The following GOLM2 variants were observed in gnomAD, a reference collection of about 807,000 sequenced individuals.
The protein encoded by GOLM2 is protein GOLM2.
Under a neutral mutation model 55.9 loss-of-function variants are expected in GOLM2, and 26 were observed. The observed-to-expected ratio is 0.47, with a 90% CI of 0.34 to 0.65. The LOEUF (loss-of-function observed/expected upper bound fraction) is 0.65. Ranked by LOEUF, GOLM2 falls within the 30% of genes least tolerant of loss-of-function variation. GOLM2 has a pLI of 0.01. For missense variants in GOLM2, 486 were observed against 531.8 expected (o/e 0.91, Z 0.85); for synonymous variants, 165 against 194.6 (o/e 0.85, Z 1.27).
chr15:44,298,457 G>A (rs2078773861), intron 1 of GOLM2, among the ~76,000 whole-genome samples: 1 of 134,854 alleles, frequency 7.4e-6, no homozygotes, highest in Admixed American at 7.5e-5. Flanking sequence ...TGTATTTTTA[G>A]TAAAGATGGG....
At chr15:44,383,533 C>T (rs1264488092) in intron 8 of GOLM2, among the ~76,000 whole-genome samples, 1 of 151,816 alleles carries the variant, frequency 6.6e-6, no homozygotes, top group South Asian at 2.1e-4. Flanking sequence ...ATCATTTATT[C>T]TGGTGGCCTA....
chr15:44,300,872 T>A (rs1163824554), intron 1 of GOLM2, among the ~76,000 whole-genome samples: 1 of 152,160 alleles, frequency 6.6e-6, no homozygotes. Flanking sequence ...TTAATTAACT[T>A]TATCTAATTT....
chr15:44,378,020 TA>T (rs1346229185), intron 6 of GOLM2, among the ~76,000 whole-genome samples: 1 of 149,464 alleles, frequency 6.7e-6, no homozygotes, highest in Admixed American at 6.7e-5. Context: ...AGTATATATA[TA>T]TATTTTTTAA....
intron 6 of GOLM2, among the ~76,000 whole-genome samples, chr15:44,344,719 G>A (rs2079111879): frequency 6.6e-6 from 1 of 151,900 alleles, no homozygotes; most frequent in South Asian, 2.1e-4. Flanking sequence ...CCTTCTAGAG[G>A]GGCTGCGATT....
intron 1 of GOLM2, among the ~76,000 whole-genome samples, chr15:44,296,297 A>G (rs1471553171): frequency 6.6e-6 from 1 of 152,194 alleles, no homozygotes; most frequent in Non-Finnish European, 1.5e-5. Context: ...CTCTTGATAA[A>G]TAAAAGGAGC....
intron 6 of GOLM2, among the ~76,000 whole-genome samples, chr15:44,352,563 C>T (rs190990758): frequency 1.2e-4 from 18 of 152,074 alleles, no homozygotes; most frequent in Middle Eastern, 3.4e-3. Context: ...AAAAGATGGA[C>T]GGATGGGATG....
At position 44,289,209 on chromosome 15, in the gene GOLM2, C is replaced by G. The variant is rs554130976; in HGVS notation, c.180C>G (p.Arg60=). Residue 60 remains arginine (R), a synonymous_variant, in exon 1 of 10, where the codon CGC becomes CGG. Coordinates refer to ENST00000299957, the MANE Select transcript of GOLM2 (RefSeq NM_138423.4). The surrounding 1 kb of genome is among the most constrained non-coding windows in gnomAD (Gnocchi z 4.8). ...AGGTCCAGCGCACCGAAGTGGCCCG[C>G]GGGCGGCTGGAAAAGCGCAATTCGG... ...QGQVQRTEVA[R]GRLEKRNSDL... is the part of the protein sequence containing the mutation. 6.2e-7 allele frequency: 1 copy of G among 1,614,012 alleles called. No homozygotes were observed. The highest frequency in any genetic ancestry group is 8.5e-7 in the Non-Finnish European group (1 of 1,180,024).
chr15:44,343,445 AAATTCTTAATGTCAATGT>A (rs1254698981), intron 6 of GOLM2, among the ~76,000 whole-genome samples: 4 of 152,094 alleles, frequency 2.6e-5, no homozygotes, highest in Admixed American at 1.3e-4. Context: ...GAGTATGCCA[AAATTCTTAATGTCAATGT>A]AAGTTCTGGT....
At chr15:44,389,744 C>T (rs1024053428) in intron 8 of GOLM2, among the ~76,000 whole-genome samples, 2 of 152,176 alleles carry the variant, frequency 1.3e-5, no homozygotes, top group African/African-American at 4.8e-5. Flanking sequence ...TGCATTAGCA[C>T]GTTCATAGCT....
Position 44,351,576 on chromosome 15 carries a change from C to T in GOLM2, c.802+13259C>T, listed in dbSNP as rs1469734060. Among the ~76,000 whole-genome samples, 7 of 45,904 alleles carry T rather than the reference C, an allele frequency of 1.5e-4. No homozygotes were observed. The East Asian group carries it at 4.6e-3, about 30-fold the overall frequency. The allele number at this position is 45,904 out of a possible 152,430, so 30.1% of individuals were successfully genotyped here. On this transcript the variant is annotated intron_variant, in intron 6 of 9. Coordinates refer to ENST00000299957, the MANE Select transcript of GOLM2 (RefSeq NM_138423.4). Reference sequence around the variant, plus strand: ...TGGGCAACAAAGCAAGACTCTGTCTCAAAAAAAAAAAAAAAAAAAAAACAC... The same window carrying T: ...TGGGCAACAAAGCAAGACTCTGTCTTAAAAAAAAAAAAAAAAAAAAAACAC...
intron 1 of GOLM2, among the ~76,000 whole-genome samples, chr15:44,320,731 AC>A (rs1481238088): frequency 1.3e-5 from 2 of 152,180 alleles, no homozygotes; most frequent in African/African-American, 4.8e-5. Context: ...TTATGGACAA[AC>A]TTTTATTTTA....
chr15:44,342,360 G>T (rs998326465), intron 6 of GOLM2, among the ~76,000 whole-genome samples: 2 of 151,974 alleles, frequency 1.3e-5, no homozygotes, highest in African/African-American at 4.8e-5. Context: ...GACCTCCTGG[G>T]CTCAAGTGGT....
At position 44,383,626 on chromosome 15, in the gene GOLM2, G is replaced by A. The variant is rs543483052; in HGVS notation, c.1072+2650G>A. ...TTTGACCACTTAGCCTGAAAACTTT[G>A]TAGATTTGTTCTATTTATTTGTATC... On this transcript the variant is annotated intron_variant, in intron 8 of 9. Coordinates refer to ENST00000299957, the MANE Select transcript of GOLM2 (RefSeq NM_138423.4). Among the ~76,000 whole-genome samples the A allele has an allele frequency of 2.1e-5, 3 of 144,786 alleles. No individual in the cohort carries two copies. The East Asian group carries it at 6.0e-4, about 29-fold the overall frequency. 95.0% of individuals were successfully genotyped at this position (144,786 alleles called of 152,430 possible).
In GOLM2 at chr15:44,414,512, A is replaced by G. The variant is rs1187701790; in HGVS notation, c.*1106A>G. 1 of 152,336 alleles carries G rather than the reference A, an allele frequency of 6.6e-6. No homozygotes were observed. The highest frequency in any genetic ancestry group is 1.9e-4 in the East Asian group (1 of 5,192). The allele number at this position is 152,336 out of a possible 1,614,324, so 9.4% of individuals were successfully genotyped here. ...AACTGGCTAAAATTTTTATATTTTC[A>G]GAGTTGAAGTTGGTGAAGACATTCA... On this transcript the variant is annotated 3_prime_UTR_variant, in exon 10 of 10. Transcript: ENST00000299957.
At chr15:44,323,948 C>T (rs991876823) in intron 2 of GOLM2, among the ~76,000 whole-genome samples, 1 of 152,114 alleles carries the variant, frequency 6.6e-6, no homozygotes, top group Non-Finnish European at 1.5e-5. Flanking sequence ...TTCCTATTAT[C>T]CATGATTTAG....
chr15:44,345,456 A>G (rs1381120890), intron 6 of GOLM2, among the ~76,000 whole-genome samples: 1 of 151,602 alleles, frequency 6.6e-6, no homozygotes, highest in East Asian at 2.0e-4. Flanking sequence ...ACGGGGTTTC[A>G]ACTGTATTGC....
chr15:44,383,701 C>T (rs1456551005), intron 8 of GOLM2, among the ~76,000 whole-genome samples: 3 of 130,790 alleles, frequency 2.3e-5, no homozygotes, highest in South Asian at 2.4e-4. Context: ...TTTGAGACAA[C>T]GTCTCACTCT....
chr15:44,298,817 C>T (rs1595612914), intron 1 of GOLM2, among the ~76,000 whole-genome samples: 3 of 152,136 alleles, frequency 2.0e-5, no homozygotes, highest in Admixed American at 6.5e-5. Context: ...TCTAAATCAC[C>T]TGTGAATGTT....
At chr15:44,408,025 C>T (rs984382827) in intron 9 of GOLM2, among the ~76,000 whole-genome samples, 3 of 152,062 alleles carry the variant, frequency 2.0e-5, no homozygotes, top group South Asian at 4.1e-4. Flanking sequence ...GCTGGGATTA[C>T]GGCGTGAGCA....
Sources: allele counts gnomAD v4.1 joint callset (sites outside exome capture counted in the v4.1 genomes callset), GRCh38; gene constraint gnomAD v4.1.1; non-coding constraint Gnocchi (gnomAD v3.1); transcripts MANE v1.5; gene names NCBI Gene and HGNC (gene_info 2026-07-23, HGNC 2026-07-21).